Variants in FAM168A observed in about 807,000 individuals in gnomAD.
The protein encoded by FAM168A is family with sequence similarity 168 member A, also known as protein FAM168A.
In FAM168A, 3 loss-of-function variants were observed where a neutral mutation model predicts 28.5. The observed-to-expected ratio is 0.11, with a 90% CI of 0.05 to 0.27. FAM168A has a LOEUF of 0.27. Among genes scored for constraint, FAM168A ranks in the 10% least tolerant of loss-of-function variants. The pLI is 1.00. For missense variants in FAM168A, 222 were observed against 311.5 expected, an observed-to-expected ratio of 0.71 and a Z score of 2.16; for synonymous variants, 122 against 124.2, an observed-to-expected ratio of 0.98 and a Z score of 0.12.
At chr11:73,578,343 G>A (rs1182430749) in intron 1 of FAM168A, among the ~76,000 whole-genome samples, 1 of 152,184 alleles carries the variant, frequency 6.6e-6, no homozygotes, top group Non-Finnish European at 1.5e-5. Context: ...CTTGGGAGGT[G>A]ATGGATATGT....
At chr11:73,578,336 G>C (rs1389630969) in intron 1 of FAM168A, among the ~76,000 whole-genome samples, 4 of 152,170 alleles carry the variant, frequency 2.6e-5, no homozygotes, top group Non-Finnish European at 2.9e-5. Flanking sequence ...CAAGAAACTT[G>C]GGAGGTGATG....
chr11:73,528,386 C>A (rs977170617), intron 1 of FAM168A, among the ~76,000 whole-genome samples: 2 of 152,118 alleles, frequency 1.3e-5, no homozygotes, highest in African/African-American at 4.8e-5. Context: ...ATCCGGAAAA[C>A]AAAGTAGCAT....
intron 1 of FAM168A, among the ~76,000 whole-genome samples, chr11:73,515,432 C>T (rs1217406140): frequency 5.3e-5 from 8 of 149,624 alleles, no homozygotes; most frequent in Admixed American, 2.7e-4. Context: ...CACCTGAACC[C>T]GAGAGGCAGA....
rs1035944948 is a variant in FAM168A at position 73,580,199 on chromosome 11, G to A, written c.-19+17724C>T. 40 of 468,082 alleles carry A rather than the reference G, an allele frequency of 8.5e-5. 1 individual carries two copies. In the East Asian group the frequency reaches 1.8e-3, roughly 21 times the overall value. 29.0% of individuals were successfully genotyped at this position (468,082 alleles called of 1,614,324 possible). On this transcript the variant is annotated intron_variant, in intron 1 of 7. Transcript: ENST00000356467. The stretch of plus-strand genomic sequence containing the variant: ...CCAGACCAACCAAAGCCTGTGCTCC[G>A]CTGCATCCCACGCCCAGTGCCTACG...
chr11:73,565,449 G>T (rs146585638), intron 1 of FAM168A, among the ~76,000 whole-genome samples: 3 of 152,230 alleles, frequency 2.0e-5, no homozygotes, highest in Admixed American at 1.3e-4. Flanking sequence ...GTTTGCATCG[G>T]TAGGTAGGGT....
chr11:73,470,132 G>A (rs973640619), intron 1 of FAM168A, among the ~76,000 whole-genome samples: 2 of 152,006 alleles, frequency 1.3e-5, no homozygotes, highest in Admixed American at 6.6e-5. Flanking sequence ...GGATGGTCTC[G>A]AACTCCTGAC....
At chr11:73,494,278 C>T (rs1157139792) in intron 1 of FAM168A, among the ~76,000 whole-genome samples, 3 of 152,150 alleles carry the variant, frequency 2.0e-5, no homozygotes, top group Non-Finnish European at 4.4e-5. Context: ...AGTCACAGAG[C>T]AGGTCACAAA....
At chr11:73,519,653 A>G (rs1943351167) in intron 1 of FAM168A, among the ~76,000 whole-genome samples, 1 of 152,142 alleles carries the variant, frequency 6.6e-6, no homozygotes, top group Admixed American at 6.5e-5. Context: ...TAGGAAAAAG[A>G]ACAGCATGAG....
chr11:73,465,533 T>C (rs1044445036), intron 2 of FAM168A, among the ~76,000 whole-genome samples: 3 of 81,540 alleles, frequency 3.7e-5, no homozygotes, highest in African/African-American at 3.3e-4. Flanking sequence ...GACATTTATT[T>C]CTCATAGCTC....
At chr11:73,572,840 C>T (rs1454886910) in intron 1 of FAM168A, among the ~76,000 whole-genome samples, 2 of 151,850 alleles carry the variant, frequency 1.3e-5, no homozygotes, top group Non-Finnish European at 2.9e-5. Context: ...CTGCCAAATC[C>T]CCCTCTGTGA....
chr11:73,489,533 G>A (rs1328478197), intron 1 of FAM168A, among the ~76,000 whole-genome samples: 1 of 133,388 alleles, frequency 7.5e-6, no homozygotes, highest in African/African-American at 3.0e-5. Context: ...TTTGGATATC[G>A]GGTCTTTTGC....
chr11:73,536,952 T>C (rs1462935406), intron 1 of FAM168A, among the ~76,000 whole-genome samples: 2 of 152,176 alleles, frequency 1.3e-5, no homozygotes, highest in South Asian at 2.1e-4. Context: ...CATCACTGTG[T>C]TTACTAATCA....
intron 1 of FAM168A, among the ~76,000 whole-genome samples, chr11:73,475,602 C>A (rs540442084): frequency 5.3e-5 from 8 of 152,086 alleles, no homozygotes; most frequent in African/African-American, 1.9e-4. Flanking sequence ...TTACCAAACC[C>A]TTTCCCCCAA....
chr11:73,529,108 T>A (rs939340084), intron 1 of FAM168A, among the ~76,000 whole-genome samples: 3 of 152,196 alleles, frequency 2.0e-5, no homozygotes, highest in Admixed American at 6.5e-5. Context: ...CCAAACATTA[T>A]CACTGCAGCT....
rs147949298 is a variant in FAM168A at position 73,479,652 on chromosome 11, A to G, written c.-18-11160T>C. 6.9e-3 allele frequency among the ~76,000 whole-genome samples: 1,050 copies of G among 152,240 alleles called. 11 individuals are homozygous for G. Among genetic ancestry groups the G allele is most frequent in the African/African-American group, 0.022 (919 of 41,534 alleles). ...GCTACAGGTAATTTTATGATCCCAC[A>G]GCTCTCTACACTTCTATGTTATAAA... On this transcript the variant is annotated intron_variant, in intron 1 of 7. Coordinates refer to ENST00000356467, the MANE Select transcript of FAM168A (RefSeq NM_015159.3).
At chr11:73,504,061 A>T (rs1016286302) in intron 1 of FAM168A, among the ~76,000 whole-genome samples, 1 of 152,132 alleles carries the variant, frequency 6.6e-6, no homozygotes, top group South Asian at 2.1e-4. Context: ...CTAGAAGAAA[A>T]CCTAGGCAAT....
intron 1 of FAM168A, among the ~76,000 whole-genome samples, chr11:73,533,469 T>G (rs985775023): frequency 6.6e-6 from 1 of 151,886 alleles, no homozygotes; most frequent in African/African-American, 2.4e-5. Context: ...TAATAAACCG[T>G]AATTTGGGAG....
At chr11:73,530,208 C>T (rs913590394) in intron 1 of FAM168A, among the ~76,000 whole-genome samples, 2 of 152,138 alleles carry the variant, frequency 1.3e-5, no homozygotes, top group African/African-American at 4.8e-5. Flanking sequence ...GAAGACATAT[C>T]AAAAACAGAC....
rs78546799 is a variant in FAM168A at position 73,439,579 on chromosome 11, T to G, written c.71-8809A>C. Among the ~76,000 whole-genome samples, 893 of 152,346 alleles carry G rather than the reference T, an allele frequency of 5.9e-3. 8 individuals are homozygous for G. The highest frequency in any genetic ancestry group is 0.027 in the Middle Eastern group (8 of 294). On this transcript the variant is annotated intron_variant, in intron 2 of 7. Coordinates refer to ENST00000356467, the MANE Select transcript of FAM168A (RefSeq NM_015159.3). ...ATATATAAGGCCAAGAGTGTGCTGT[T>G]GCCTCAGGACAATTTTTTTTTTAAC... is the stretch of plus-strand genomic sequence containing the variant.
Sources: allele counts gnomAD v4.1 joint callset (sites outside exome capture counted in the v4.1 genomes callset), GRCh38; gene constraint gnomAD v4.1.1; transcripts MANE v1.5; gene names NCBI Gene and HGNC (gene_info 2026-07-23, HGNC 2026-07-21).